Variants in SCHIP1 observed in about 807,000 individuals in gnomAD.
The protein encoded by SCHIP1 is schwannomin-interacting protein 1.
SCHIP1 carries 8 observed loss-of-function variants against 29.7 expected under a neutral mutation model. That is an observed-to-expected ratio of 0.27 (90% confidence interval 0.16 to 0.49). The LOEUF (loss-of-function observed/expected upper bound fraction) is 0.49. Ranked by LOEUF, SCHIP1 falls within the 20% of genes least tolerant of loss-of-function variation. The probability of loss-of-function intolerance (pLI) is 0.99; values close to 1 mark genes in which losing one functional copy is unlikely to be tolerated. For missense variants in SCHIP1, 193 were observed against 294.6 expected (o/e 0.66, Z 2.52); for synonymous variants, 76 against 94.9 (o/e 0.80, Z 1.16).
chr3:159,824,731 A>G, the SCHIP1 span, among the ~76,000 whole-genome samples: 36 of 152,364 alleles, frequency 2.4e-4, 1 homozygote, highest in East Asian at 6.6e-3. Flanking sequence ...GAGGGACAGC[A>G]TTTGGATTGG....
In SCHIP1 at chr3:159,840,558, G is replaced by GA. The variant is rs1210175192; in HGVS notation, c.30+349dup. ...TTTGGAATCTCACATCGATAACACT[G>GA]AAAAACGTGATTTTTGCTCGTTGCA... On this transcript the variant is annotated intron_variant, in intron 1 of 6. Coordinates refer to ENST00000445224, the Ensembl canonical transcript of SCHIP1. Among the ~76,000 whole-genome samples, 4 of 152,198 alleles carry GA rather than the reference G, an allele frequency of 2.6e-5. No homozygotes were observed. In the East Asian group the frequency reaches 7.7e-4, roughly 29 times the overall value.
At chr3:159,379,059 T>G in the SCHIP1 span, among the ~76,000 whole-genome samples, 545 of 152,298 alleles carry the variant, frequency 3.6e-3, 2 homozygotes, top group African/African-American at 0.012. Flanking sequence ...GTGGCTGTGT[T>G]TGTCTCTGAT....
the SCHIP1 span, among the ~76,000 whole-genome samples, chr3:159,439,504 C>T: frequency 2.6e-5 from 4 of 152,150 alleles, no homozygotes; most frequent in Non-Finnish European, 5.9e-5. Flanking sequence ...TCCAGATGGT[C>T]TCTTCCTTGA....
the SCHIP1 span, among the ~76,000 whole-genome samples, chr3:159,558,657 G>A: frequency 2.0e-5 from 3 of 152,164 alleles, no homozygotes; most frequent in Admixed American, 1.3e-4. Context: ...ATCTGGAAGT[G>A]GGCACCTTTG....
chr3:159,800,159 A>G, the SCHIP1 span, among the ~76,000 whole-genome samples: 6 of 152,244 alleles, frequency 3.9e-5, no homozygotes, highest in Non-Finnish European at 7.3e-5. Flanking sequence ...GCTACATTCA[A>G]CATAAAACAC....
At chr3:159,805,929 G>C in the SCHIP1 span, among the ~76,000 whole-genome samples, 1 of 151,208 alleles carries the variant, frequency 6.6e-6, no homozygotes, top group Non-Finnish European at 1.5e-5. Flanking sequence ...CTGCCTCAGC[G>C]TCCCGAGTAG....
the SCHIP1 span, among the ~76,000 whole-genome samples, chr3:159,479,629 G>A: frequency 6.6e-6 from 1 of 152,118 alleles, no homozygotes; most frequent in South Asian, 2.1e-4. Context: ...ATTTTGCACT[G>A]GATATTTAGA....
chr3:159,798,650 C>T, the SCHIP1 span, among the ~76,000 whole-genome samples: 13 of 152,052 alleles, frequency 8.5e-5, no homozygotes, highest in East Asian at 1.9e-4. Flanking sequence ...CCCAGCTACT[C>T]GGGAGCCTGA....
chr3:159,645,530 T>C, the SCHIP1 span, among the ~76,000 whole-genome samples: 6 of 152,150 alleles, frequency 3.9e-5, no homozygotes, highest in Admixed American at 3.9e-4. Context: ...AGAATGACCA[T>C]TGTAGTCTTT....
the SCHIP1 span, among the ~76,000 whole-genome samples, chr3:159,442,996 T>G: frequency 6.6e-6 from 1 of 152,138 alleles, no homozygotes; most frequent in Admixed American, 6.5e-5. Context: ...CATTAACAAT[T>G]AATAGGAAAA....
the SCHIP1 span, among the ~76,000 whole-genome samples, chr3:159,736,807 T>A: frequency 1.3e-4 from 19 of 151,380 alleles, no homozygotes; most frequent in Non-Finnish European, 4.4e-5. Context: ...CGATCTCAGC[T>A]CACTGCAAGC....
chr3:159,864,032 A>G (rs1714343748), intron 1 of SCHIP1, among the ~76,000 whole-genome samples: 1 of 152,186 alleles, frequency 6.6e-6, no homozygotes. Flanking sequence ...CTGATTTTAT[A>G]TTTGGATATT....
the SCHIP1 span, among the ~76,000 whole-genome samples, chr3:159,682,913 G>A: frequency 6.6e-6 from 1 of 152,248 alleles, no homozygotes; most frequent in East Asian, 1.9e-4. Context: ...GGGTGAAAGT[G>A]GGAAATATTC....
the SCHIP1 span, among the ~76,000 whole-genome samples, chr3:159,729,198 G>C: frequency 6.6e-6 from 1 of 151,864 alleles, no homozygotes; most frequent in Admixed American, 6.6e-5. Context: ...AAATAGAAGT[G>C]TTCCAGATAA....
At chr3:159,574,989 G>A in the SCHIP1 span, among the ~76,000 whole-genome samples, 5 of 152,178 alleles carry the variant, frequency 3.3e-5, no homozygotes, top group East Asian at 1.9e-4. Context: ...GGAGTGTCCC[G>A]TTTTTCCAGG....
At chr3:159,648,751 C>G in the SCHIP1 span, among the ~76,000 whole-genome samples, 1 of 152,008 alleles carries the variant, frequency 6.6e-6, no homozygotes, top group East Asian at 1.9e-4. Context: ...AACATACCAG[C>G]AGCCTGGTTC....
the SCHIP1 span, among the ~76,000 whole-genome samples, chr3:159,565,414 G>A: frequency 5.8e-4 from 88 of 152,208 alleles, 2 homozygotes; most frequent in Admixed American, 1.8e-3. Context: ...TGTTTGTTAT[G>A]ATATGAACAC....
the SCHIP1 span, among the ~76,000 whole-genome samples, chr3:159,382,851 T>C: frequency 1.3e-5 from 2 of 152,360 alleles, no homozygotes; most frequent in Non-Finnish European, 2.9e-5. Context: ...ATTTCTATGA[T>C]GGCCAGTGAT....
At chr3:159,462,201 T>C in the SCHIP1 span, among the ~76,000 whole-genome samples, 6 of 151,532 alleles carry the variant, frequency 4.0e-5, no homozygotes, top group Non-Finnish European at 8.8e-5. Context: ...AGAGCAAGAC[T>C]CCATCTCAAA....
Sources: allele counts gnomAD v4.1 joint callset (sites outside exome capture counted in the v4.1 genomes callset), GRCh38; gene constraint gnomAD v4.1.1; transcripts MANE v1.5; gene names NCBI Gene and HGNC (gene_info 2026-07-23, HGNC 2026-07-21).